Variants in TRPC4 observed in about 807,000 individuals in gnomAD.
TRPC4 encodes short transient receptor potential channel 4.
TRPC4 carries 49 observed loss-of-function variants against 99.4 expected under a neutral mutation model. The ratio of observed to expected loss-of-function variants is 0.49; its 90% confidence interval spans 0.39 to 0.63. The LOEUF is 0.63. TRPC4 is among the 20% of genes least tolerant of loss of function. TRPC4 has a pLI of 0.00. For missense variants in TRPC4, 898 were observed against 1,152.9 expected (o/e 0.78, Z 3.20); for synonymous variants, 454 against 425.9 (o/e 1.07, Z -0.81).
chr13:37,648,373 T>C (rs1440174325), intron 8 of TRPC4, among the ~76,000 whole-genome samples: 1 of 152,172 alleles, frequency 6.6e-6, no homozygotes, highest in African/African-American at 2.4e-5. Context: ...ATTTTGGAAA[T>C]GCAGTATGGA....
chr13:37,671,292 T>C (rs1248917792), intron 5 of TRPC4, among the ~76,000 whole-genome samples: 2 of 152,140 alleles, frequency 1.3e-5, no homozygotes, highest in African/African-American at 2.4e-5. Context: ...ATAGAACAAA[T>C]GTAAGGTAAG....
At chr13:37,720,409 T>C (rs1018314269) in intron 3 of TRPC4, among the ~76,000 whole-genome samples, 2 of 152,190 alleles carry the variant, frequency 1.3e-5, no homozygotes, top group Non-Finnish European at 1.5e-5. Context: ...CCTAAGTCTG[T>C]CCGTTGTTTT....
At chr13:37,682,008 C>T (rs922382447) in intron 4 of TRPC4, among the ~76,000 whole-genome samples, 2 of 152,086 alleles carry the variant, frequency 1.3e-5, no homozygotes, top group Non-Finnish European at 2.9e-5. Flanking sequence ...TTATGTCCTG[C>T]GAAGCTGGCT....
At chr13:37,843,705 C>CACACAT (rs35659228) in intron 1 of TRPC4, among the ~76,000 whole-genome samples, 24,748 of 151,652 alleles carry the variant, frequency 0.16, 2,071 homozygotes, top group Non-Finnish European at 0.17. Flanking sequence ...CACACACACA[C>CACACAT]GCACACATAC....
chr13:37,644,864 C>A, intron 8 of TRPC4, among the ~76,000 whole-genome samples: 1 of 97,830 alleles, frequency 1.0e-5, no homozygotes. Context: ...CAGAGCGAGA[C>A]TCCATCTCAA....
intron 2 of TRPC4, among the ~76,000 whole-genome samples, chr13:37,771,347 C>G (rs1956545076): frequency 6.6e-6 from 1 of 151,726 alleles, no homozygotes. Flanking sequence ...TTAGGTTGTT[C>G]CCTTGCTGCT....
intron 3 of TRPC4, among the ~76,000 whole-genome samples, chr13:37,700,367 G>C (rs895445620): frequency 3.3e-5 from 5 of 152,172 alleles, no homozygotes; most frequent in Non-Finnish European, 7.3e-5. Context: ...TGGTTCTCCA[G>C]TCTCTAATGA....
At chr13:37,829,789 T>C (rs1346595694) in intron 1 of TRPC4, among the ~76,000 whole-genome samples, 1 of 152,176 alleles carries the variant, frequency 6.6e-6, no homozygotes, top group East Asian at 1.9e-4. Context: ...ATATATATAA[T>C]AGACTGTCAT....
intron 5 of TRPC4, among the ~76,000 whole-genome samples, chr13:37,664,095 C>T (rs4450268): frequency 0.36 from 55,293 of 151,892 alleles, 10,434 homozygotes; most frequent in African/African-American, 0.41. Flanking sequence ...TATCTGAATG[C>T]TCCTTAAGTA....
At chr13:37,684,794 TACACACACACACACAC>T (rs57132536) in intron 4 of TRPC4, among the ~76,000 whole-genome samples, 50 of 140,752 alleles carry the variant, frequency 3.6e-4, no homozygotes, top group Middle Eastern at 3.6e-3. Flanking sequence ...GAGTACCCCT[TACACACACACACACAC>T]ACACACACAC....
intron 2 of TRPC4, among the ~76,000 whole-genome samples, chr13:37,776,520 C>T (rs999676545): frequency 6.6e-6 from 1 of 151,730 alleles, no homozygotes; most frequent in Non-Finnish European, 1.5e-5. Context: ...TATTGAGGCT[C>T]ACTTGAGGCT....
intron 2 of TRPC4, among the ~76,000 whole-genome samples, chr13:37,772,815 C>A (rs1014238148): frequency 6.6e-6 from 1 of 151,656 alleles, no homozygotes; most frequent in Admixed American, 6.6e-5. Flanking sequence ...TAGAAATGGG[C>A]CCCTCCCAGA....
At chr13:37,740,181 TAC>T (rs1218577765) in intron 3 of TRPC4, among the ~76,000 whole-genome samples, 3 of 152,096 alleles carry the variant, frequency 2.0e-5, no homozygotes, top group Non-Finnish European at 4.4e-5. Flanking sequence ...ATGGGTAGGG[TAC>T]AACCTTGAGG....
chr13:37,787,490 T>C (rs1957002463), intron 1 of TRPC4, among the ~76,000 whole-genome samples: 1 of 152,088 alleles, frequency 6.6e-6, no homozygotes, highest in African/African-American at 2.4e-5. Flanking sequence ...AATGGTCTGA[T>C]TTTTGCTATC....
chr13:37,827,042 C>T (rs9566268), intron 1 of TRPC4, among the ~76,000 whole-genome samples: 43,162 of 151,400 alleles, frequency 0.29, 6,338 homozygotes, highest in East Asian at 0.43. Context: ...ATTGCTGATA[C>T]CCTTTCTTCC....
At chr13:37,755,252 C>T (rs372976296) in intron 2 of TRPC4, among the ~76,000 whole-genome samples, 2 of 150,564 alleles carry the variant, frequency 1.3e-5, no homozygotes, top group East Asian at 1.9e-4. Context: ...GATACATGTC[C>T]TAACCTGGCT....
At chr13:37,670,739 C>G (rs1952810253) in intron 5 of TRPC4, among the ~76,000 whole-genome samples, 1 of 152,074 alleles carries the variant, frequency 6.6e-6, no homozygotes, top group African/African-American at 2.4e-5. Flanking sequence ...AAAATAAAAG[C>G]CCGATAGCAA....
chr13:37,774,477 C>T (rs959523389), intron 2 of TRPC4, among the ~76,000 whole-genome samples: 1 of 151,784 alleles, frequency 6.6e-6, no homozygotes, highest in African/African-American at 2.4e-5. Flanking sequence ...TTGAAGAACT[C>T]ATTCTTGAAA....
intron 1 of TRPC4, among the ~76,000 whole-genome samples, chr13:37,800,671 A>G (rs2139429641): frequency 6.6e-6 from 1 of 152,214 alleles, no homozygotes; most frequent in East Asian, 1.9e-4. Flanking sequence ...GATAAAATAT[A>G]TACATGTGTA....
Sources: allele counts gnomAD v4.1 joint callset (sites outside exome capture counted in the v4.1 genomes callset), GRCh38; gene constraint gnomAD v4.1.1; transcripts MANE v1.5; gene names NCBI Gene and HGNC (gene_info 2026-07-23, HGNC 2026-07-21).